The following SNTG1 variants were observed in gnomAD, a reference collection of about 807,000 sequenced individuals.
SNTG1 encodes syntrophin gamma 1.
Under a neutral mutation model 74.7 loss-of-function variants are expected in SNTG1, and 39 were observed. The ratio of observed to expected loss-of-function variants is 0.52; its 90% CI spans 0.40 to 0.68. SNTG1 has a LOEUF of 0.68. Ranked by LOEUF, SNTG1 falls within the 30% of genes least tolerant of loss-of-function variation. The pLI, the probability that SNTG1 is intolerant of heterozygous loss-of-function variation, is 0.00. For missense variants in SNTG1, 685 were observed against 609.5 expected (o/e 1.12, Z -1.30); for synonymous variants, 254 against 217.1 (o/e 1.17, Z -1.49).
intron 4 of SNTG1, among the ~76,000 whole-genome samples, chr8:50,422,844 T>C (rs1404497982): frequency 6.6e-6 from 1 of 152,216 alleles, no homozygotes; most frequent in African/African-American, 2.4e-5. Context: ...TCCTCTACTC[T>C]TCCCTAGTCA....
At chr8:50,385,846 A>C (rs1185958633) in intron 2 of SNTG1, among the ~76,000 whole-genome samples, 1 of 152,190 alleles carries the variant, frequency 6.6e-6, no homozygotes, top group Non-Finnish European at 1.5e-5. Flanking sequence ...TAGAGTCACC[A>C]CCTGGCTAAG....
intron 1 of SNTG1, among the ~76,000 whole-genome samples, chr8:49,951,108 A>C (rs1444909053): frequency 1.3e-5 from 2 of 152,208 alleles, no homozygotes; most frequent in Non-Finnish European, 2.9e-5. Flanking sequence ...TAAAATTGAG[A>C]CTAAGAAAGA....
chr8:50,391,631 G>A (rs903151813), intron 2 of SNTG1, among the ~76,000 whole-genome samples: 2 of 152,144 alleles, frequency 1.3e-5, no homozygotes, highest in Admixed American at 6.5e-5. Context: ...GATTGGAATA[G>A]TTTCAGAAGG....
At chr8:50,189,604 T>C (rs1383668343) in intron 2 of SNTG1, among the ~76,000 whole-genome samples, 4 of 152,148 alleles carry the variant, frequency 2.6e-5, no homozygotes, top group Non-Finnish European at 5.9e-5. Flanking sequence ...GGGTAAAGGA[T>C]ACTCTGTGTA....
chr8:50,406,946 C>T (rs2092883945), intron 4 of SNTG1, among the ~76,000 whole-genome samples: 1 of 152,166 alleles, frequency 6.6e-6, no homozygotes, highest in South Asian at 2.1e-4. Flanking sequence ...GAAAGTAGCA[C>T]ACTGTACTTT....
intron 13 of SNTG1, among the ~76,000 whole-genome samples, chr8:50,612,211 A>C (rs1416982930): frequency 1.3e-5 from 2 of 152,202 alleles, no homozygotes; most frequent in Admixed American, 1.3e-4. Flanking sequence ...AGAGTTTTTG[A>C]AAACCTTTAT....
intron 2 of SNTG1, among the ~76,000 whole-genome samples, chr8:50,384,677 C>G (rs1025017590): frequency 6.6e-6 from 1 of 152,160 alleles, no homozygotes; most frequent in South Asian, 2.1e-4. Flanking sequence ...AGAACCATCT[C>G]TAACCCAAGT....
intron 1 of SNTG1, among the ~76,000 whole-genome samples, chr8:49,953,038 G>C (rs1809862383): frequency 6.6e-6 from 1 of 152,166 alleles, no homozygotes; most frequent in African/African-American, 2.4e-5. Flanking sequence ...ATAGGGCTCT[G>C]AGGAGTCTGA....
intron 1 of SNTG1, among the ~76,000 whole-genome samples, chr8:50,153,832 G>A (rs561172043): frequency 1.3e-5 from 2 of 152,186 alleles, no homozygotes; most frequent in Non-Finnish European, 1.5e-5. Context: ...GTGCCTCCCA[G>A]TTAGGCTACT....
intron 9 of SNTG1, among the ~76,000 whole-genome samples, chr8:50,511,029 T>G (rs2094067687): frequency 6.6e-6 from 1 of 152,226 alleles, no homozygotes; most frequent in Non-Finnish European, 1.5e-5. Flanking sequence ...TTTAGAACTT[T>G]CCTGCTTTCT....
At chr8:50,010,186 G>A (rs573899012) in intron 1 of SNTG1, among the ~76,000 whole-genome samples, 42 of 152,056 alleles carry the variant, frequency 2.8e-4, no homozygotes, top group Non-Finnish European at 5.3e-4. Flanking sequence ...GTTTGGGATT[G>A]TGTCCACTCA....
intron 3 of SNTG1, among the ~76,000 whole-genome samples, chr8:50,397,619 G>A (rs193029437): frequency 1.3e-3 from 200 of 152,276 alleles, no homozygotes; most frequent in Middle Eastern, 6.8e-3. Flanking sequence ...AATACAAGAA[G>A]AATAGCTGCT....
chr8:50,416,896 T>A (rs1266140966), intron 4 of SNTG1, among the ~76,000 whole-genome samples: 1 of 152,128 alleles, frequency 6.6e-6, no homozygotes, highest in Non-Finnish European at 1.5e-5. Context: ...GTTCTATCCA[T>A]AGCTTAACAC....
At chr8:50,038,716 C>A (rs564853028) in intron 1 of SNTG1, among the ~76,000 whole-genome samples, 2 of 152,004 alleles carry the variant, frequency 1.3e-5, no homozygotes, top group South Asian at 4.2e-4. Context: ...TCCTAATGAC[C>A]AAAAGAAGTG....
At chr8:50,408,731 A>G (rs1447349572) in intron 4 of SNTG1, among the ~76,000 whole-genome samples, 1 of 152,230 alleles carries the variant, frequency 6.6e-6, no homozygotes, top group Non-Finnish European at 1.5e-5. Context: ...GTCAAAACCC[A>G]GGCGTCATGC....
chr8:50,622,247 A>G (rs1248618873), intron 13 of SNTG1, among the ~76,000 whole-genome samples: 1 of 152,222 alleles, frequency 6.6e-6, no homozygotes, highest in Non-Finnish European at 1.5e-5. Flanking sequence ...CGTAGTTAAA[A>G]TAGTGCTTGG....
At chr8:50,560,224 T>C (rs913084656) in intron 12 of SNTG1, among the ~76,000 whole-genome samples, 72 of 152,288 alleles carry the variant, frequency 4.7e-4, no homozygotes, top group African/African-American at 1.6e-3. Flanking sequence ...AAGCAACAAA[T>C]GCTGGCAAGG....
intron 13 of SNTG1, among the ~76,000 whole-genome samples, chr8:50,647,719 T>C (rs2095118968): frequency 6.6e-6 from 1 of 152,192 alleles, no homozygotes; most frequent in Non-Finnish European, 1.5e-5. Context: ...GGGCATGTTT[T>C]GTGATAATGA....
chr8:50,426,644 GAAAGA>G (rs1222059223), intron 4 of SNTG1, among the ~76,000 whole-genome samples: 1 of 151,762 alleles, frequency 6.6e-6, no homozygotes, highest in Non-Finnish European at 1.5e-5. Flanking sequence ...TATTACTGAA[GAAAGA>G]AAAGTATTTT....
Sources: allele counts gnomAD v4.1 joint callset (sites outside exome capture counted in the v4.1 genomes callset), GRCh38; gene constraint gnomAD v4.1.1; transcripts MANE v1.5; gene names NCBI Gene and HGNC (gene_info 2026-07-23, HGNC 2026-07-21).